Variants in DEPTOR observed in about 807,000 individuals in gnomAD.
DEPTOR encodes DEP domain-containing mTOR-interacting protein.
In DEPTOR, 41 loss-of-function variants were observed where a neutral mutation model predicts 41.6. That is an observed-to-expected ratio of 0.98 (90% CI 0.77 to 1.28). The LOEUF (loss-of-function observed/expected upper bound fraction) is 1.28, where lower values mean the gene tolerates loss of function less well. DEPTOR is among the 50% of genes most tolerant of loss of function. The pLI, the probability that DEPTOR is intolerant of heterozygous loss-of-function variation, is 0.00. For missense variants in DEPTOR, 514 were observed against 527.9 expected (o/e 0.97, Z 0.26); for synonymous variants, 195 against 192.3 (o/e 1.01, Z -0.12).
chr8:120,032,501 G>T (rs571154818), intron 8 of DEPTOR, among the ~76,000 whole-genome samples: 3 of 152,074 alleles, frequency 2.0e-5, no homozygotes, highest in African/African-American at 7.2e-5. Context: ...GATTACAGGC[G>T]TGAGTTACCA....
chr8:119,980,667 G>A (rs1302373617), intron 4 of DEPTOR, among the ~76,000 whole-genome samples: 3 of 151,710 alleles, frequency 2.0e-5, no homozygotes, highest in African/African-American at 7.3e-5. Flanking sequence ...ACAGGCATGT[G>A]CCACCACAGC....
At chr8:119,878,579 G>A (rs370715050) in intron 1 of DEPTOR, among the ~76,000 whole-genome samples, 7 of 150,428 alleles carry the variant, frequency 4.7e-5, no homozygotes, top group African/African-American at 9.8e-5. Context: ...CGCCCGCCTC[G>A]GCCTCCCAAA....
At chr8:119,875,953 C>A (rs1334930128) in intron 1 of DEPTOR, among the ~76,000 whole-genome samples, 1 of 152,188 alleles carries the variant, frequency 6.6e-6, no homozygotes, top group Non-Finnish European at 1.5e-5. Context: ...TGATAACAGG[C>A]TTCAGTCCCT....
intron 8 of DEPTOR, among the ~76,000 whole-genome samples, chr8:120,048,428 T>G (rs1319160585): frequency 1.3e-5 from 2 of 152,208 alleles, no homozygotes; most frequent in Non-Finnish European, 2.9e-5. Flanking sequence ...TGTGTGACCT[T>G]GATTATGACT....
At chr8:120,012,568 G>T (rs990672955) in intron 8 of DEPTOR, among the ~76,000 whole-genome samples, 2 of 151,856 alleles carry the variant, frequency 1.3e-5, no homozygotes, top group Non-Finnish European at 2.9e-5. Context: ...ACAGAGTCTG[G>T]CTTTGTTGCC....
At chr8:120,011,923 T>TA (rs1812537023) in intron 8 of DEPTOR, among the ~76,000 whole-genome samples, 3 of 152,206 alleles carry the variant, frequency 2.0e-5, no homozygotes, top group Non-Finnish European at 4.4e-5. Context: ...TCCATCACTG[T>TA]ATTATTACAC....
intron 8 of DEPTOR, among the ~76,000 whole-genome samples, chr8:120,046,105 A>G (rs1813149361): frequency 6.6e-6 from 1 of 152,098 alleles, no homozygotes; most frequent in Admixed American, 6.5e-5. Flanking sequence ...TTGTAGACCA[A>G]GAATCTACCC....
intron 4 of DEPTOR, among the ~76,000 whole-genome samples, chr8:119,989,437 C>T (rs563003561): frequency 6.6e-6 from 1 of 152,170 alleles, no homozygotes; most frequent in Admixed American, 6.5e-5. Flanking sequence ...CATGATCACA[C>T]CTTGAAATGG....
At chr8:120,031,918 A>G (rs1586666526) in intron 8 of DEPTOR, among the ~76,000 whole-genome samples, 1 of 151,940 alleles carries the variant, frequency 6.6e-6, no homozygotes, top group African/African-American at 2.4e-5. Context: ...CTTTTTTACC[A>G]GTCTGGGAAA....
Position 119,921,311 on chromosome 8 carries a change from A to C in DEPTOR, c.123-7089A>C, listed in dbSNP as rs1012788128. 1.1e-4 allele frequency among the ~76,000 whole-genome samples: 16 copies of C among 152,282 alleles called. No homozygotes were observed. In the East Asian group the frequency reaches 3.1e-3, roughly 29 times the overall value. On this transcript the variant is annotated intron_variant, in intron 1 of 8. Transcript: ENST00000286234. ...ATCATTTCTATTAGTGTCCTTATAC[A>C]TTCATTTGTTCACCAAATATTAAGT... is the stretch of plus-strand genomic sequence containing the variant.
At chr8:120,032,680 A>G (rs906040149) in intron 8 of DEPTOR, among the ~76,000 whole-genome samples, 3 of 152,178 alleles carry the variant, frequency 2.0e-5, no homozygotes, top group Admixed American at 6.6e-5. Flanking sequence ...TGGAGGGCAA[A>G]GCCGAGCTGA....
intron 8 of DEPTOR, among the ~76,000 whole-genome samples, chr8:120,012,243 G>A (rs1326324561): frequency 6.6e-6 from 1 of 152,132 alleles, no homozygotes; most frequent in Non-Finnish European, 1.5e-5. Context: ...TAATGACAGG[G>A]TTATGTTCTG....
chr8:119,981,094 G>A (rs1828761315), intron 4 of DEPTOR, among the ~76,000 whole-genome samples: 1 of 152,176 alleles, frequency 6.6e-6, no homozygotes, highest in Admixed American at 6.5e-5. Context: ...GAACTATAGT[G>A]TCTGACTCCA....
At chr8:119,892,728 G>A (rs894258425) in intron 1 of DEPTOR, among the ~76,000 whole-genome samples, 5 of 152,098 alleles carry the variant, frequency 3.3e-5, no homozygotes, top group Non-Finnish European at 5.9e-5. Context: ...CTGAGTCTGC[G>A]CTAATGAGAG....
chr8:119,944,933 C>T (rs923653138), intron 3 of DEPTOR, among the ~76,000 whole-genome samples: 2 of 152,134 alleles, frequency 1.3e-5, no homozygotes, highest in East Asian at 1.9e-4. Flanking sequence ...GGATTACAGG[C>T]GTGAGCCACT....
At chr8:119,933,185 C>T (rs1320406373) in intron 3 of DEPTOR, among the ~76,000 whole-genome samples, 1 of 151,974 alleles carries the variant, frequency 6.6e-6, no homozygotes, top group Non-Finnish European at 1.5e-5. Flanking sequence ...CTGTGGCTTC[C>T]AGTTAATTGT....
At chr8:119,967,631 G>A (rs1828579794) in intron 4 of DEPTOR, among the ~76,000 whole-genome samples, 1 of 151,390 alleles carries the variant, frequency 6.6e-6, no homozygotes, top group Non-Finnish European at 1.5e-5. Context: ...GTGTGTGCCT[G>A]TAGTCTCAGC....
chr8:120,031,111 C>T (rs1812884617), intron 8 of DEPTOR, among the ~76,000 whole-genome samples: 1 of 152,160 alleles, frequency 6.6e-6, no homozygotes, highest in African/African-American at 2.4e-5. Context: ...GGGAGGATCA[C>T]CTGAGCCTCA....
At chr8:119,929,243 T>C (rs1479582356) in intron 2 of DEPTOR, among the ~76,000 whole-genome samples, 1 of 152,190 alleles carries the variant, frequency 6.6e-6, no homozygotes, top group African/African-American at 2.4e-5. Flanking sequence ...CATCGTTCTC[T>C]TGGAATACCC....
Sources: gnomAD v4.1 joint callset for allele counts (sites outside exome capture counted in the v4.1 genomes callset) on GRCh38, gnomAD v4.1.1 for gene constraint, MANE v1.5 for transcripts, NCBI Gene and HGNC (gene_info 2026-07-23, HGNC 2026-07-21) for gene names.